The following STAG1 variants were observed in gnomAD, a reference collection of about 807,000 sequenced individuals.
STAG1 encodes the protein STAG1 cohesin complex component.
STAG1 carries 26 observed loss-of-function variants against 170.9 expected under a neutral mutation model. The ratio of observed to expected loss-of-function variants is 0.15; its 90% CI spans 0.11 to 0.21. The LOEUF (loss-of-function observed/expected upper bound fraction) is 0.21, where lower values mean the gene tolerates loss of function less well. STAG1 is among the 10% of genes least tolerant of loss of function. The probability of loss-of-function intolerance (pLI) is 1.00; values close to 1 mark genes in which losing one functional copy is unlikely to be tolerated. For missense variants in STAG1, 964 were observed against 1,509.5 expected, an observed-to-expected ratio of 0.64 and a Z score of 5.99; for synonymous variants, 514 against 497.7, an observed-to-expected ratio of 1.03 and a Z score of -0.44.
At chr3:136,622,151 A>G (rs1418509213) in intron 3 of STAG1, among the ~76,000 whole-genome samples, 32 of 150,520 alleles carry the variant, frequency 2.1e-4, no homozygotes, top group Admixed American at 7.9e-4. Flanking sequence ...AAAAAAAAAA[A>G]AAAAAAAGAA....
chr3:136,476,165 C>T (rs1327867711), intron 10 of STAG1, among the ~76,000 whole-genome samples: 3 of 152,200 alleles, frequency 2.0e-5, no homozygotes, highest in African/African-American at 7.2e-5. Context: ...TGCTGAAAGA[C>T]TACCTGGAAG....
intron 13 of STAG1, among the ~76,000 whole-genome samples, chr3:136,455,054 A>C (rs1344600480): frequency 6.6e-6 from 1 of 152,226 alleles, no homozygotes; most frequent in Non-Finnish European, 1.5e-5. Context: ...ACATTTATGG[A>C]GTGAAGCTTT....
In STAG1 at chr3:136,472,421, C is replaced by T; in HGVS notation, c.1197G>A (p.Leu399=). ...TAATGGATATTACTTACTGAAGTATCAGAGTAACCAATCGAATAGCTTCCA... is the reference window on the plus strand; with the variant it reads ...TAATGGATATTACTTACTGAAGTATTAGAGTAACCAATCGAATAGCTTCCA... ...VAVEAIRLVT[L]ILHGSEEALS... The change falls in exon 12 of 34, where the codon CTG becomes CTA. Residue 399 remains leucine, a synonymous_variant. Transcript: ENST00000383202. 6.2e-7 allele frequency: 1 copy of T among 1,609,434 alleles called. No individual in the cohort carries two copies. The highest frequency in any genetic ancestry group is 8.5e-7 in the Non-Finnish European group (1 of 1,176,604).
intron 6 of STAG1, among the ~76,000 whole-genome samples, chr3:136,522,269 C>T (rs531487591): frequency 3.3e-5 from 5 of 152,266 alleles, no homozygotes; most frequent in Non-Finnish European, 7.4e-5. Context: ...GGAAAGAGAA[C>T]TAGTGTGATA....
Position 136,338,195 on chromosome 3 carries a change from G to A in STAG1, c.*59C>T. ...GTTTTTCCCCATACAAGCTATCACA[G>A]TATATAGGCCTCTAGCTCTAAATAA... On this transcript the variant is annotated 3_prime_UTR_variant, in exon 34 of 34. Coordinates refer to ENST00000383202, the MANE Select transcript of STAG1 (RefSeq NM_005862.3). The A allele has an allele frequency of 8.6e-7, 1 of 1,169,350 alleles. No individual in the cohort carries two copies. The highest frequency in any genetic ancestry group is 1.3e-6 in the Non-Finnish European group (1 of 785,948). The allele number at this position is 1,169,350 out of a possible 1,614,324, so 72.4% of individuals were successfully genotyped here. A position where few individuals can be genotyped will look rare whatever the true frequency, so the allele number is the denominator to read the frequency against.
intron 6 of STAG1, among the ~76,000 whole-genome samples, chr3:136,526,567 T>G (rs1935043419): frequency 6.6e-6 from 1 of 152,250 alleles, no homozygotes; most frequent in African/African-American, 2.4e-5. Flanking sequence ...AGTCTGTGTC[T>G]TTTAATTGGA....
chr3:136,405,501 C>CA (rs1560092070), intron 21 of STAG1, among the ~76,000 whole-genome samples: 6 of 151,734 alleles, frequency 4.0e-5, no homozygotes, highest in African/African-American at 1.5e-4. Flanking sequence ...ATCGACCTCT[C>CA]AAAGTGCTGG....
At chr3:136,503,388 T>C (rs1933584984) in intron 7 of STAG1, among the ~76,000 whole-genome samples, 1 of 152,224 alleles carries the variant, frequency 6.6e-6, no homozygotes, top group Non-Finnish European at 1.5e-5. Flanking sequence ...ACAGTGATAA[T>C]GTACTTTTAA....
chr3:136,661,002 A>G (rs958376514), intron 1 of STAG1, among the ~76,000 whole-genome samples: 1 of 152,114 alleles, frequency 6.6e-6, no homozygotes, highest in Non-Finnish European at 1.5e-5. Flanking sequence ...AAACCTGGGG[A>G]CTACTGTTAA....
chr3:136,639,295 A>G (rs1395209735), intron 1 of STAG1, among the ~76,000 whole-genome samples: 1 of 152,094 alleles, frequency 6.6e-6, no homozygotes, highest in Non-Finnish European at 1.5e-5. Flanking sequence ...TGATTGGGCC[A>G]CTACCTTCCA....
intron 4 of STAG1, among the ~76,000 whole-genome samples, chr3:136,599,515 A>G (rs966689739): frequency 7.9e-5 from 12 of 152,170 alleles, no homozygotes; most frequent in African/African-American, 2.9e-4. Flanking sequence ...TGGGTGACAG[A>G]GCGAGACTCT....
At chr3:136,564,037 G>A (rs553334053) in intron 5 of STAG1, among the ~76,000 whole-genome samples, 20 of 151,594 alleles carry the variant, frequency 1.3e-4, no homozygotes, top group South Asian at 4.2e-4. Context: ...AAAAATACAG[G>A]GAAAATCCCT....
intron 1 of STAG1, among the ~76,000 whole-genome samples, chr3:136,659,546 T>C (rs1941505310): frequency 6.6e-6 from 1 of 152,152 alleles, no homozygotes; most frequent in Non-Finnish European, 1.5e-5. Context: ...CATTTATCAA[T>C]TAACAACCAA....
chr3:136,534,801 A>AT (rs1189099455), intron 6 of STAG1, among the ~76,000 whole-genome samples: 2 of 152,198 alleles, frequency 1.3e-5, no homozygotes, highest in African/African-American at 4.8e-5. Flanking sequence ...GTTGGTGGGA[A>AT]TGTAAATTAG....
At chr3:136,385,254 G>A (rs2086841051) in intron 22 of STAG1, among the ~76,000 whole-genome samples, 1 of 152,278 alleles carries the variant, frequency 6.6e-6, no homozygotes, top group African/African-American at 2.4e-5. Context: ...ATCAAGATCA[G>A]CCTGGGCAAC....
chr3:136,725,766 G>A (rs909903903), intron 1 of STAG1, among the ~76,000 whole-genome samples: 1 of 152,182 alleles, frequency 6.6e-6, no homozygotes, highest in Non-Finnish European at 1.5e-5. Flanking sequence ...TGAGGTTACT[G>A]CTTCCTTCCT....
At position 136,568,818 on chromosome 3, in the gene STAG1, T is replaced by A; in HGVS notation, c.341A>T (p.Asp114Val). 6.2e-7 allele frequency: 1 copy of A among 1,612,546 alleles called. No individual in the cohort carries two copies. Among genetic ancestry groups the A allele is most frequent in the Non-Finnish European group, 8.5e-7 (1 of 1,179,550 alleles). Residue 114 changes from aspartate to valine, a missense_variant, in exon 5 of 34, where the codon GAC becomes GTC. By Grantham distance (152) the Asp-to-Val change is radical (BLOSUM62 -3). Transcript: ENST00000383202. ...GTTGATTAAATCCAGAAGTGCGATG[T>A]CCCTGTCTTGTTTATATGATTCAAT... ...DWIESYKQDR[D>V]IALLDLINFF...
At chr3:136,498,211 T>TAC (rs1933234295) in intron 9 of STAG1, among the ~76,000 whole-genome samples, 2 of 3,482 alleles carry the variant, frequency 5.7e-4, no homozygotes. Context: ...AAAAAAAAAT[T>TAC]ATATATATAT....
rs1491192814 is a variant in STAG1 at position 136,633,710 on chromosome 3, A to AAGGG, written c.-83-2730_-83-2729insCCCT. Among the ~76,000 whole-genome samples the AAGGG allele has an allele frequency of 1.5e-3, 66 of 44,802 alleles. 10 individuals are homozygous for AAGGG. Among genetic ancestry groups the AAGGG allele is most frequent in the Non-Finnish European group, 2.0e-3 (50 of 25,636 alleles). 29.4% of individuals were successfully genotyped at this position (44,802 alleles called of 152,430 possible). On this transcript the variant is annotated intron_variant, in intron 1 of 33. Coordinates refer to ENST00000383202, the MANE Select transcript of STAG1 (RefSeq NM_005862.3). ...GCAAAAGTTTCCATATCAAAAAAAA[A>AAGGG]GGGGGGGGGGGGGGTCAGGGGCACA...
Sources: allele counts gnomAD v4.1 joint callset (sites outside exome capture counted in the v4.1 genomes callset), GRCh38; gene constraint gnomAD v4.1.1; transcripts MANE v1.5; gene names NCBI Gene and HGNC (gene_info 2026-07-23, HGNC 2026-07-21).